B3GALT1: variants seen among roughly 807,000 people sequenced by gnomAD.
B3GALT1 encodes the protein UDP-Gal:betaGlcNAc beta 1,3-galactosyltransferase, polypeptide 1.
A neutral mutation model predicts 23.2 loss-of-function variants in B3GALT1; 10 were observed. The ratio of observed to expected loss-of-function variants is 0.43; its 90% CI spans 0.27 to 0.73. The LOEUF is 0.73. B3GALT1 is among the 30% of genes least tolerant of loss of function. The pLI is 0.21. For synonymous variants in B3GALT1, 156 were observed against 141.5 expected (o/e 1.10, Z -0.73); for missense variants, 299 against 405.4 (o/e 0.74, Z 2.25).
intron 1 of B3GALT1, among the ~76,000 whole-genome samples, chr2:167,404,341 A>G (rs966379541): frequency 2.0e-5 from 3 of 152,144 alleles, no homozygotes; most frequent in Non-Finnish European, 4.4e-5. Flanking sequence ...GGGGATCAAC[A>G]TGAAGTTTGG....
intron 3 of B3GALT1, among the ~76,000 whole-genome samples, chr2:167,796,674 C>T (rs1430523884): frequency 2.0e-5 from 3 of 152,102 alleles, no homozygotes; most frequent in Admixed American, 6.5e-5. Context: ...TTGCTTGAAC[C>T]CAGGAGGCGG....
chr2:167,559,893 C>A (rs1262196445), intron 2 of B3GALT1, among the ~76,000 whole-genome samples: 1 of 152,118 alleles, frequency 6.6e-6, no homozygotes, highest in Non-Finnish European at 1.5e-5. Context: ...AGGATGTTAT[C>A]CAGGAGAACT....
intron 3 of B3GALT1, among the ~76,000 whole-genome samples, chr2:167,670,153 G>A (rs1388517783): frequency 6.6e-6 from 1 of 152,194 alleles, no homozygotes; most frequent in Non-Finnish European, 1.5e-5. Context: ...TCTGAAGATT[G>A]TGCATGAGTT....
chr2:167,844,515 TC>T (rs1310513129), intron 4 of B3GALT1, among the ~76,000 whole-genome samples: 3 of 152,058 alleles, frequency 2.0e-5, no homozygotes, highest in Non-Finnish European at 4.4e-5. Flanking sequence ...AGGAGAAGCT[TC>T]AGACCTTACC....
intron 3 of B3GALT1, among the ~76,000 whole-genome samples, chr2:167,722,435 A>T (rs1238275204): frequency 6.6e-6 from 1 of 152,228 alleles, no homozygotes; most frequent in East Asian, 1.9e-4. Flanking sequence ...CACAGTTTTC[A>T]ACTTTCCAAA....
intron 2 of B3GALT1, among the ~76,000 whole-genome samples, chr2:167,635,305 T>A (rs1047752500): frequency 6.6e-6 from 1 of 152,118 alleles, no homozygotes; most frequent in South Asian, 2.1e-4. Flanking sequence ...AACGATGCCC[T>A]CTCTCACTAC....
At position 167,872,516 on chromosome 2, in the gene B3GALT1, C is replaced by T. The variant is rs1203900196; in HGVS notation, c.*2496C>T. 2 of 152,224 alleles carry T rather than the reference C, an allele frequency of 1.3e-5. No individual in the cohort carries two copies. Among genetic ancestry groups the T allele is most frequent in the Non-Finnish European group, 2.9e-5 (2 of 68,062 alleles). 9.4% of individuals were successfully genotyped at this position (152,224 alleles called of 1,614,324 possible). On this transcript the variant is annotated 3_prime_UTR_variant, in exon 5 of 5. Transcript: ENST00000392690. ...TGAGTTCCAATCACTGGGAAAGTCTCACGACTTCTTACTTGGTTTACCTTC... is the reference window on the plus strand; with the variant it reads ...TGAGTTCCAATCACTGGGAAAGTCTTACGACTTCTTACTTGGTTTACCTTC...
intron 3 of B3GALT1, among the ~76,000 whole-genome samples, chr2:167,661,675 G>A (rs1483867525): frequency 6.6e-6 from 1 of 152,038 alleles, no homozygotes; most frequent in South Asian, 2.1e-4. Context: ...TGCACCTCTG[G>A]TTGAGAATAA....
intron 1 of B3GALT1, among the ~76,000 whole-genome samples, chr2:167,378,609 T>C (rs1309264470): frequency 6.6e-6 from 1 of 152,138 alleles, no homozygotes; most frequent in Non-Finnish European, 1.5e-5. Flanking sequence ...CTTGGTCAAG[T>C]CTATTGATTA....
intron 1 of B3GALT1, among the ~76,000 whole-genome samples, chr2:167,443,875 A>T (rs1486990366): frequency 6.6e-6 from 1 of 152,256 alleles, no homozygotes; most frequent in South Asian, 2.1e-4. Context: ...CTCCTGCCTG[A>T]TTGCCCTGGC....
Position 167,577,146 on chromosome 2 carries a change from T to TG in B3GALT1, c.-409-69762dup, listed in dbSNP as rs546978883. On this transcript the variant is annotated intron_variant, in intron 2 of 4. Transcript: ENST00000392690. ...GAAACTGATGGCTTTTTGGTATAAC[T>TG]GAATATGAAGTCTTAACCTCAAGGA... is the stretch of plus-strand genomic sequence containing the variant. Among the ~76,000 whole-genome samples, 492 of 151,982 alleles carry TG rather than the reference T, an allele frequency of 3.2e-3. 1 individual carries two copies. The highest frequency in any genetic ancestry group is 5.9e-3 in the Non-Finnish European group (398 of 67,818).
chr2:167,847,263 A>C (rs111741344), intron 4 of B3GALT1, among the ~76,000 whole-genome samples: 23,397 of 151,992 alleles, frequency 0.15, 2,048 homozygotes, highest in South Asian at 0.3. Flanking sequence ...ACAACATTTC[A>C]TCCAACAACC....
At chr2:167,493,958 C>A (rs1282497456) in intron 2 of B3GALT1, among the ~76,000 whole-genome samples, 1 of 152,030 alleles carries the variant, frequency 6.6e-6, no homozygotes, top group Non-Finnish European at 1.5e-5. Flanking sequence ...TGATATGTAC[C>A]AGTTACAATT....
intron 2 of B3GALT1, among the ~76,000 whole-genome samples, chr2:167,582,399 T>C (rs1256080748): frequency 6.6e-6 from 1 of 152,166 alleles, no homozygotes; most frequent in African/African-American, 2.4e-5. Flanking sequence ...CATCATAAGT[T>C]TACTCACACT....
chr2:167,673,681 T>C (rs1574205476), intron 3 of B3GALT1, among the ~76,000 whole-genome samples: 1 of 152,156 alleles, frequency 6.6e-6, no homozygotes, highest in South Asian at 2.1e-4. Flanking sequence ...CTTAAACAAA[T>C]ACTTTTCAAG....
At chr2:167,844,001 T>G (rs148547166) in intron 4 of B3GALT1, among the ~76,000 whole-genome samples, 48 of 152,298 alleles carry the variant, frequency 3.2e-4, no homozygotes, top group African/African-American at 1.1e-3. Context: ...CTGAGAATGC[T>G]CACAGAGTAA....
chr2:167,760,821 C>A (rs772913313), intron 3 of B3GALT1, among the ~76,000 whole-genome samples: 2 of 152,150 alleles, frequency 1.3e-5, no homozygotes, highest in Non-Finnish European at 2.9e-5. Flanking sequence ...TAATACATAT[C>A]ATGTGGCACT....
intron 1 of B3GALT1, among the ~76,000 whole-genome samples, chr2:167,460,017 A>G (rs1339952246): frequency 9.7e-6 from 1 of 103,006 alleles, no homozygotes. Context: ...GAAGTCATTT[A>G]TTTATCTTTT....
intron 1 of B3GALT1, among the ~76,000 whole-genome samples, chr2:167,400,166 C>CTCTGTGTG (rs1553517152): frequency 6.9e-6 from 1 of 145,696 alleles, no homozygotes; most frequent in African/African-American, 2.5e-5. Flanking sequence ...ACATCTATGT[C>CTCTGTGTG]TGTGTGTGTG....
Sources: allele counts gnomAD v4.1 joint callset (sites outside exome capture counted in the v4.1 genomes callset), GRCh38; gene constraint gnomAD v4.1.1; transcripts MANE v1.5; gene names NCBI Gene and HGNC (gene_info 2026-07-23, HGNC 2026-07-21).